Variants in ADCY10 observed in about 807,000 individuals in gnomAD.
ADCY10 encodes adenylate cyclase type 10.
In ADCY10, 156 loss-of-function variants were observed where a neutral mutation model predicts 183.3. The observed-to-expected ratio is 0.85, with a 90% CI of 0.75 to 0.97. The LOEUF (loss-of-function observed/expected upper bound fraction) is 0.97, where lower values mean the gene tolerates loss of function less well. Among genes scored for constraint, ADCY10 ranks in the 50% least tolerant of loss-of-function variants. The pLI is 0.00. For synonymous variants in ADCY10, 645 were observed against 670.0 expected, an observed-to-expected ratio of 0.96 and a Z score of 0.58; for missense variants, 1,745 against 1,934.3, an observed-to-expected ratio of 0.90 and a Z score of 1.84.
chr1:167,823,177 A>G (rs981073753), intron 28 of ADCY10, 54 bp from the exon 29 acceptor site: 12 of 1,521,616 alleles, frequency 7.9e-6, no homozygotes, highest in Non-Finnish European at 1.1e-5. Context: ...TTGTAATCCC[A>G]GCACTTTGGG....
At chr1:167,814,792 T>C (rs1662425473) in intron 31 of ADCY10, among the ~76,000 whole-genome samples, 1 of 152,054 alleles carries the variant, frequency 6.6e-6, no homozygotes. Flanking sequence ...TTAAACATGA[T>C]TAAAATGTTA....
chr1:167,880,298 G>T (rs1667780690), intron 10 of ADCY10, 107 bp from the exon 11 acceptor site: 2 of 1,124,290 alleles, frequency 1.8e-6, no homozygotes. Context: ...GGTGGGAAAG[G>T]ATTTTCTCTA....
At chr1:167,809,925 AC>A (rs143173687) in intron 32 of ADCY10, 86 bp from the exon 33 acceptor site, 3 of 1,398,006 alleles carry the variant, frequency 2.1e-6, no homozygotes, top group East Asian at 4.6e-5. Context: ...ACAAGGCAAA[AC>A]ATCTTTGGTA....
chr1:167,817,886 G>A (rs1222198079), intron 31 of ADCY10, among the ~76,000 whole-genome samples, 186 bp downstream of exon 31: 1 of 152,092 alleles, frequency 6.6e-6, no homozygotes, highest in Non-Finnish European at 1.5e-5. Flanking sequence ...TATACAAAAA[G>A]TACTTATCTC....
At chr1:167,887,598 G>T (rs1668314893) in intron 8 of ADCY10, among the ~76,000 whole-genome samples, 1 of 152,058 alleles carries the variant, frequency 6.6e-6, no homozygotes, top group East Asian at 1.9e-4. Context: ...TAATGTAAAA[G>T]ATGAGTTAAT....
chr1:167,851,171 ACT>A (rs1261811016), intron 18 of ADCY10, among the ~76,000 whole-genome samples: 1 of 151,182 alleles, frequency 6.6e-6, no homozygotes, highest in Middle Eastern at 3.2e-3. Flanking sequence ...AAATATTGAC[ACT>A]CTTTTGTTTG....
chr1:167,851,948 T>C (rs1409641560), intron 18 of ADCY10, among the ~76,000 whole-genome samples: 1 of 152,252 alleles, frequency 6.6e-6, no homozygotes, highest in African/African-American at 2.4e-5. Flanking sequence ...TCCAGGATTA[T>C]GTATCATATT....
intron 3 of ADCY10, 99 bp downstream of exon 3, chr1:167,903,788 A>T (rs1669611835): frequency 3.6e-6 from 3 of 823,876 alleles, no homozygotes; most frequent in Non-Finnish European, 6.4e-6. Flanking sequence ...GAAGAGGAGG[A>T]GTGCTAAGCA....
intron 21 of ADCY10, among the ~76,000 whole-genome samples, chr1:167,843,580 C>A (rs766489894): frequency 5.9e-5 from 9 of 152,062 alleles, no homozygotes; most frequent in Non-Finnish European, 1.0e-4. Flanking sequence ...TTCTAGCAGT[C>A]CACACCCAAG....
chr1:167,818,437 T>TACAGA (rs775886864), intron 30 of ADCY10, 170 bp from the exon 31 acceptor site: 5 of 754,780 alleles, frequency 6.6e-6, no homozygotes, highest in Non-Finnish European at 1.2e-5. Context: ...AATTATGTGA[T>TACAGA]ACAGAGCAAG....
At chr1:167,904,289 T>C (rs1249967420) in intron 2 of ADCY10, among the ~76,000 whole-genome samples, 2 of 152,046 alleles carry the variant, frequency 1.3e-5, no homozygotes, top group Non-Finnish European at 2.9e-5. Flanking sequence ...GGTTTCACCA[T>C]GTTAGCCAGG....
chr1:167,855,837 C>T (rs1665848571), intron 17 of ADCY10, among the ~76,000 whole-genome samples: 1 of 151,844 alleles, frequency 6.6e-6, no homozygotes, highest in Admixed American at 6.6e-5. Flanking sequence ...CACTGTGAGA[C>T]CCCATCTCTA....
chr1:167,875,515 G>A (rs1252932131), intron 12 of ADCY10, among the ~76,000 whole-genome samples: 1 of 152,256 alleles, frequency 6.6e-6, no homozygotes, highest in African/African-American at 2.4e-5. Context: ...ATGTGGTGCA[G>A]AGTCACACAT....
At chr1:167,881,697 T>C (rs1357043439) in intron 9 of ADCY10, among the ~76,000 whole-genome samples, 1 of 152,190 alleles carries the variant, frequency 6.6e-6, no homozygotes, top group African/African-American at 2.4e-5. Context: ...TCCACAATCA[T>C]TTGAGACAAA....
intron 25 of ADCY10, among the ~76,000 whole-genome samples, chr1:167,832,286 G>C (rs1663792983): frequency 6.6e-6 from 1 of 152,054 alleles, no homozygotes; most frequent in African/African-American, 2.4e-5. Flanking sequence ...ATTTATTATA[G>C]AATAATTCAA....
chr1:167,880,666 T>C (rs569598687), intron 9 of ADCY10, 57 bp from the exon 10 acceptor site: 1 of 1,342,324 alleles, frequency 7.4e-7, no homozygotes, highest in East Asian at 2.3e-5. Flanking sequence ...TAAACTGGAC[T>C]GGCCAGAAGG....
chr1:167,820,608 T>C (rs1662847816), intron 30 of ADCY10: 1 of 198,424 alleles, frequency 5.0e-6, no homozygotes, highest in South Asian at 1.9e-4. Flanking sequence ...TAATCAATTT[T>C]TGGATTTTAA....
intron 13 of ADCY10, among the ~76,000 whole-genome samples, chr1:167,874,126 G>A (rs781240511): frequency 3.9e-5 from 6 of 152,174 alleles, no homozygotes; most frequent in Non-Finnish European, 7.3e-5. Context: ...GAAGTTAGGA[G>A]ATCAAGACCA....
chr1:167,911,040 T>C (rs1224565120), intron 1 of ADCY10, among the ~76,000 whole-genome samples: 1 of 152,224 alleles, frequency 6.6e-6, no homozygotes, highest in Non-Finnish European at 1.5e-5. Flanking sequence ...TTGCTAAAGT[T>C]GTTAACACTG....
Sources: allele counts gnomAD v4.1 joint callset (sites outside exome capture counted in the v4.1 genomes callset), GRCh38; gene constraint gnomAD v4.1.1; transcripts MANE v1.5; gene names NCBI Gene and HGNC (gene_info 2026-07-23, HGNC 2026-07-21).